MPP7: variants seen among roughly 807,000 people sequenced by gnomAD.
MPP7 encodes MAGUK p55 subfamily member 7.
A neutral mutation model predicts 76.5 loss-of-function variants in MPP7; 60 were observed. That is an observed-to-expected ratio of 0.78 (90% CI 0.64 to 0.97). The LOEUF is 0.97. Ranked by LOEUF, MPP7 falls within the 50% of genes least tolerant of loss-of-function variation. The probability of loss-of-function intolerance (pLI) is 0.00; values close to 1 mark genes in which losing one functional copy is unlikely to be tolerated. For missense variants in MPP7, 641 were observed against 694.0 expected, an observed-to-expected ratio of 0.92 and a Z score of 0.86; for synonymous variants, 237 against 244.5, an observed-to-expected ratio of 0.97 and a Z score of 0.29.
chr10:28,296,333 A>G (rs1841034837), intron 1 of MPP7, among the ~76,000 whole-genome samples: 1 of 152,076 alleles, frequency 6.6e-6, no homozygotes, highest in African/African-American at 2.4e-5. Context: ...TCCCCTAAGA[A>G]CTGGCAGTGT....
intron 2 of MPP7, among the ~76,000 whole-genome samples, chr10:28,235,972 T>C (rs1019811636): frequency 1.3e-5 from 2 of 152,070 alleles, no homozygotes; most frequent in Non-Finnish European, 2.9e-5. Context: ...AAGAGATGAA[T>C]CACAGAGGAA....
chr10:28,212,056 T>A (rs73608070), intron 2 of MPP7, among the ~76,000 whole-genome samples: 2,199 of 151,950 alleles, frequency 0.014, 40 homozygotes, highest in African/African-American at 0.049. Context: ...TAGGCTGTAG[T>A]GAGCCATGAT....
In MPP7 at chr10:28,164,802, C is replaced by T. The variant is rs112963155; in HGVS notation, c.157-14743G>A. On this transcript the variant is annotated intron_variant, in intron 3 of 16. Coordinates refer to ENST00000683449, the MANE Select transcript of MPP7 (RefSeq NM_001318170.2). ...ATCTTTGTAAGAGACATTGGAGACT[C>T]AGAAGTGGGGCAGGGCTGAGGGATG... Among the ~76,000 whole-genome samples the T allele has an allele frequency of 3.6e-3, 552 of 152,078 alleles. 2 individuals are homozygous for T. The highest frequency in any genetic ancestry group is 6.1e-3 in the Non-Finnish European group (415 of 68,026).
intron 11 of MPP7, among the ~76,000 whole-genome samples, chr10:28,102,299 C>T (rs889778664): frequency 4.6e-5 from 7 of 152,246 alleles, no homozygotes; most frequent in South Asian, 2.1e-4. Flanking sequence ...TGCACCACTG[C>T]GCTTGGATTA....
chr10:28,240,418 A>G (rs1037271530), intron 1 of MPP7, among the ~76,000 whole-genome samples: 1 of 152,148 alleles, frequency 6.6e-6, no homozygotes, highest in Non-Finnish European at 1.5e-5. Context: ...AATTCGTATT[A>G]AAAACTTCAC....
In MPP7 at chr10:28,309,447, T is replaced by G. The variant is rs557566113; in HGVS notation, c.-132+20482A>C. ...AAAAAAATGCTACTCACAGCCTTGCTCTGCTTTCAGTCTATCACAACACTG... is the reference window on the plus strand; with the variant it reads ...AAAAAAATGCTACTCACAGCCTTGCGCTGCTTTCAGTCTATCACAACACTG... On this transcript the variant is annotated intron_variant, in intron 2 of 11. Coordinates refer to the MPP7 transcript ENST00000441595. 7.3e-5 allele frequency among the ~76,000 whole-genome samples: 11 copies of G among 151,366 alleles called. No homozygotes were observed. The East Asian group carries it at 2.1e-3, about 30-fold the overall frequency.
At chr10:28,184,345 C>A (rs1340761978) in intron 3 of MPP7, among the ~76,000 whole-genome samples, 1 of 147,694 alleles carries the variant, frequency 6.8e-6, no homozygotes, top group Non-Finnish European at 1.5e-5. Flanking sequence ...TTAAATGTAT[C>A]TTTATCTTAA....
In MPP7 at chr10:28,157,423, G is replaced by A. The variant is rs74815964; in HGVS notation, c.157-7364C>T. On this transcript the variant is annotated intron_variant, in intron 3 of 16. Transcript: ENST00000683449. The stretch of plus-strand genomic sequence containing the variant: ...ATGAGCTAGGATCTGGTTAGGGAAT[G>A]TGGAGTGTATTCCAATGTGACTGTA... 8.1e-3 allele frequency among the ~76,000 whole-genome samples: 1,234 copies of A among 152,322 alleles called. 9 individuals carry two copies. Among genetic ancestry groups the A allele is most frequent in the South Asian group, 0.014 (69 of 4,832 alleles).
chr10:28,171,452 T>C (rs1333989149), intron 3 of MPP7, among the ~76,000 whole-genome samples: 9 of 152,212 alleles, frequency 5.9e-5, no homozygotes, highest in African/African-American at 1.9e-4. Flanking sequence ...CCGGTTAGTC[T>C]TGGTTGCCAA....
At chr10:28,219,474 T>G (rs1054154656) in intron 2 of MPP7, among the ~76,000 whole-genome samples, 10 of 152,092 alleles carry the variant, frequency 6.6e-5, no homozygotes, top group African/African-American at 2.4e-4. Flanking sequence ...CTAGAGAAAT[T>G]TAATATCACC....
At chr10:28,295,668 A>G (rs1148174) in intron 1 of MPP7, among the ~76,000 whole-genome samples, 112,222 of 152,158 alleles carry the variant, frequency 0.74, 41,941 homozygotes, top group African/African-American at 0.87. Context: ...GAAGCTAAGG[A>G]ATGCCTAATT....
At chr10:28,151,841 T>C (rs1835893180) in intron 3 of MPP7, among the ~76,000 whole-genome samples, 1 of 152,152 alleles carries the variant, frequency 6.6e-6, no homozygotes, top group African/African-American at 2.4e-5. Context: ...CAGACTGACA[T>C]CTCATCTGTG....
At chr10:28,155,515 T>C (rs915658020) in intron 3 of MPP7, among the ~76,000 whole-genome samples, 3 of 149,292 alleles carry the variant, frequency 2.0e-5, no homozygotes, top group Non-Finnish European at 4.4e-5. Context: ...GATTGATTGA[T>C]TGAGCCCAGG....
At chr10:28,055,420 T>C (rs1851517037) in intron 16 of MPP7, among the ~76,000 whole-genome samples, 1 of 152,302 alleles carries the variant, frequency 6.6e-6, no homozygotes, top group Non-Finnish European at 1.5e-5. Context: ...AAACTAAAGT[T>C]AATGATGAGC....
At chr10:28,081,370 A>T (rs1351108166) in intron 12 of MPP7, among the ~76,000 whole-genome samples, 1 of 152,208 alleles carries the variant, frequency 6.6e-6, no homozygotes, top group Non-Finnish European at 1.5e-5. Flanking sequence ...TGAAGATAAG[A>T]CTTGTCATGT....
intron 4 of MPP7, 59 bp downstream of exon 4, chr10:28,149,923 T>C: frequency 7.4e-7 from 1 of 1,348,832 alleles, no homozygotes; most frequent in South Asian, 1.2e-5. Flanking sequence ...TAGGACAGGT[T>C]CTGCCTGGGC....
At chr10:28,056,995 T>C (rs879785944) in intron 15 of MPP7, among the ~76,000 whole-genome samples, 1 of 152,222 alleles carries the variant, frequency 6.6e-6, no homozygotes, top group Non-Finnish European at 1.5e-5. Context: ...GCAGGAGTTC[T>C]CCTCTTTCAC....
intron 1 of MPP7, among the ~76,000 whole-genome samples, chr10:28,294,074 G>A (rs1025630271): frequency 4.6e-5 from 7 of 152,234 alleles, no homozygotes; most frequent in South Asian, 2.1e-4. Flanking sequence ...TTGGGAGGCC[G>A]AGGCGGGCGG....
At chr10:28,124,544 C>T (rs1268030251) in intron 7 of MPP7, among the ~76,000 whole-genome samples, 5 of 123,220 alleles carry the variant, frequency 4.1e-5, no homozygotes, top group Non-Finnish European at 4.7e-5. Context: ...GGCACAATCT[C>T]GGCTCACCGC....
Sources: gnomAD v4.1 joint callset for allele counts (sites outside exome capture counted in the v4.1 genomes callset) on GRCh38, gnomAD v4.1.1 for gene constraint, MANE v1.5 for transcripts, NCBI Gene and HGNC (gene_info 2026-07-23, HGNC 2026-07-21) for gene names.